The following RASEF variants were observed in gnomAD, a reference collection of about 807,000 sequenced individuals.
RASEF encodes the protein RAS and EF-hand domain containing.
Under a neutral mutation model 90.1 loss-of-function variants are expected in RASEF, and 68 were observed. That is an observed-to-expected ratio of 0.75 (90% confidence interval 0.62 to 0.92). The LOEUF (loss-of-function observed/expected upper bound fraction) is 0.92, where lower values mean the gene tolerates loss of function less well. Among genes scored for constraint, RASEF ranks in the 40% least tolerant of loss-of-function variants. The probability of loss-of-function intolerance (pLI) is 0.00; values close to 1 mark genes in which losing one functional copy is unlikely to be tolerated. For synonymous variants in RASEF, 331 were observed against 345.2 expected (o/e 0.96, Z 0.46); for missense variants, 949 against 937.2 (o/e 1.01, Z -0.16).
At chr9:83,076,874 C>T in the RASEF span, among the ~76,000 whole-genome samples, 2 of 152,122 alleles carry the variant, frequency 1.3e-5, no homozygotes, top group South Asian at 4.1e-4. Context: ...TTTTTTTTCC[C>T]ATTAGCTTAT....
intron 9 of RASEF, among the ~76,000 whole-genome samples, chr9:83,001,969 A>T (rs559767047): frequency 3.0e-4 from 46 of 152,324 alleles, no homozygotes; most frequent in African/African-American, 9.4e-4. Flanking sequence ...CCATTAGTGA[A>T]ACTCTGAAGA....
chr9:83,215,942 T>A, the RASEF span, among the ~76,000 whole-genome samples: 1 of 152,182 alleles, frequency 6.6e-6, no homozygotes, highest in Non-Finnish European at 1.5e-5. Flanking sequence ...TGGTCTCAGA[T>A]ACAGATAAGG....
intron 3 of RASEF, among the ~76,000 whole-genome samples, chr9:83,021,651 T>C (rs1488727352): frequency 6.6e-6 from 1 of 152,154 alleles, no homozygotes; most frequent in African/African-American, 2.4e-5. Flanking sequence ...GTGATGCAGA[T>C]AAAAATACAG....
At chr9:83,008,058 C>T (rs892788132) in intron 6 of RASEF, among the ~76,000 whole-genome samples, 17 of 152,034 alleles carry the variant, frequency 1.1e-4, no homozygotes, top group Admixed American at 1.1e-3. Flanking sequence ...TTGCTAAGCT[C>T]GTGAGACACT....
chr9:83,104,901 G>C, the RASEF span, among the ~76,000 whole-genome samples: 2 of 152,144 alleles, frequency 1.3e-5, no homozygotes, highest in African/African-American at 4.8e-5. Context: ...CAATACCAGG[G>C]CCAGTGTGCT....
At chr9:83,123,661 C>T in the RASEF span, among the ~76,000 whole-genome samples, 2 of 152,192 alleles carry the variant, frequency 1.3e-5, no homozygotes, top group Non-Finnish European at 2.9e-5. Flanking sequence ...CTGGAGCGCC[C>T]TCACCCCACC....
intron 1 of RASEF, among the ~76,000 whole-genome samples, chr9:83,046,003 C>T (rs773376183): frequency 1.1e-4 from 16 of 151,362 alleles, no homozygotes; most frequent in Non-Finnish European, 1.6e-4. Flanking sequence ...CCTACACCTC[C>T]ATTAAGCTTC....
chr9:83,197,208 G>A, the RASEF span, among the ~76,000 whole-genome samples: 1 of 152,220 alleles, frequency 6.6e-6, no homozygotes, highest in Non-Finnish European at 1.5e-5. Context: ...CTGATCTGCA[G>A]AGAGATTTTG....
chr9:82,990,899 G>C (rs946576440), intron 15 of RASEF, among the ~76,000 whole-genome samples: 4 of 152,144 alleles, frequency 2.6e-5, no homozygotes, highest in Non-Finnish European at 4.4e-5. Flanking sequence ...GGATCCAGCA[G>C]CCTCCACGTT....
the RASEF span, among the ~76,000 whole-genome samples, chr9:83,164,108 T>C: frequency 6.6e-6 from 1 of 151,136 alleles, no homozygotes; most frequent in Non-Finnish European, 1.5e-5. Context: ...TGGATTTGTT[T>C]TCAGTAGAGC....
At chr9:83,213,107 A>AAG in the RASEF span, among the ~76,000 whole-genome samples, 1 of 150,886 alleles carries the variant, frequency 6.6e-6, no homozygotes, top group Non-Finnish European at 1.5e-5. Flanking sequence ...AAAAAAAAAA[A>AAG]GAAAGAAAAC....
rs1350715142 is a variant in RASEF, at chr9:82,979,886, A to C, written c.*2791T>G. Reference sequence around the variant, plus strand: ...TGAAGCCGATCACTGTACAAATATGAAAATAAATCTTTATCTTTAACCTCA... The same window carrying C: ...TGAAGCCGATCACTGTACAAATATGCAAATAAATCTTTATCTTTAACCTCA... On this transcript the variant is annotated 3_prime_UTR_variant, in exon 17 of 17. Coordinates refer to ENST00000376447, the MANE Select transcript of RASEF (RefSeq NM_152573.4). 6.6e-6 allele frequency: 1 copy of C among 152,214 alleles called. No homozygotes were observed. The highest frequency in any genetic ancestry group is 1.5e-5 in the Non-Finnish European group (1 of 68,044). The allele number at this position is 152,214 out of a possible 1,614,324, so 9.4% of individuals were successfully genotyped here.
rs1450628729 is a variant in RASEF at position 83,007,089 on chromosome 9, G to A, written c.1028+348C>T. On this transcript the variant is annotated intron_variant, in intron 7 of 16. Transcript: ENST00000376447. ...AGCCTGGGTGACAGGGCAAGACTCT[G>A]TCTCAAAAAAAAAAAAAAAAACTCA... Among the ~76,000 whole-genome samples the A allele has an allele frequency of 1.4e-4, 12 of 87,284 alleles. 1 individual carries two copies. Among genetic ancestry groups the A allele is most frequent in the Non-Finnish European group, 1.2e-4 (6 of 48,314 alleles). The allele number at this position is 87,284 out of a possible 152,430, so 57.3% of individuals were successfully genotyped here.
At chr9:83,180,483 C>CT in the RASEF span, among the ~76,000 whole-genome samples, 49,653 of 146,786 alleles carry the variant, frequency 0.34, 9,939 homozygotes, top group Non-Finnish European at 0.46. Flanking sequence ...GTAAACATTA[C>CT]TTTTTTTTTT....
In RASEF at chr9:83,063,068, C is replaced by A. The variant is rs1295839539; in HGVS notation, c.-201G>T. ...GGCTCCCTTCGACGACGGTTCGGGCCAGCCCCCAACAGGTCCCGGGAGCGG... is the reference window on the plus strand; with the variant it reads ...GGCTCCCTTCGACGACGGTTCGGGCAAGCCCCCAACAGGTCCCGGGAGCGG... On this transcript the variant is annotated 5_prime_UTR_variant, in exon 1 of 17. Coordinates refer to ENST00000376447, the MANE Select transcript of RASEF (RefSeq NM_152573.4). 3.7e-6 allele frequency: 2 copies of A among 537,738 alleles called. No homozygotes were observed. The highest frequency in any genetic ancestry group is 6.2e-6 in the Non-Finnish European group (2 of 325,142). 33.3% of individuals were successfully genotyped at this position (537,738 alleles called of 1,614,324 possible). A position where few individuals can be genotyped will look rare whatever the true frequency, so the allele number is the denominator to read the frequency against.
the RASEF span, among the ~76,000 whole-genome samples, chr9:83,103,378 T>C: frequency 6.6e-6 from 1 of 152,214 alleles, no homozygotes; most frequent in Non-Finnish European, 1.5e-5. Context: ...TTTATAGTTA[T>C]TTTAACAGTG....
the RASEF span, among the ~76,000 whole-genome samples, chr9:83,205,676 G>T: frequency 6.6e-6 from 1 of 151,970 alleles, no homozygotes; most frequent in African/African-American, 2.4e-5. Context: ...TTCTTCCCTT[G>T]GTACAGTATC....
At chr9:82,982,835 ATTACT>A in intron 16 of RASEF, 53 bp from the exon 17 acceptor site, 4 of 1,017,712 alleles carry the variant, frequency 3.9e-6, no homozygotes, top group African/African-American at 1.6e-5. Flanking sequence ...GAGAGAGAGG[ATTACT>A]GAGGTATAAA....
chr9:83,214,912 G>T, the RASEF span, among the ~76,000 whole-genome samples: 15 of 151,884 alleles, frequency 9.9e-5, 1 homozygote, highest in Admixed American at 9.2e-4. Context: ...ACAAGGATAG[G>T]CATTCCTGTT....
Sources: allele counts gnomAD v4.1 joint callset (sites outside exome capture counted in the v4.1 genomes callset), GRCh38; gene constraint gnomAD v4.1.1; transcripts MANE v1.5; gene names NCBI Gene and HGNC (gene_info 2026-07-23, HGNC 2026-07-21).